The following LRRIQ1 variants were observed in gnomAD, a reference collection of about 807,000 sequenced individuals.
LRRIQ1 encodes the protein leucine rich repeats and IQ motif containing 1.
LRRIQ1 carries 210 observed loss-of-function variants against 211.9 expected under a neutral mutation model. The observed-to-expected ratio is 0.99, with a 90% confidence interval of 0.89 to 1.11. The LOEUF (loss-of-function observed/expected upper bound fraction) is 1.11. Ranked by LOEUF, LRRIQ1 falls within the 50% of genes most tolerant of loss-of-function variation. LRRIQ1 has a pLI of 0.00. For missense variants in LRRIQ1, 2,136 were observed against 1,939.5 expected, an observed-to-expected ratio of 1.10 and a Z score of -1.90; for synonymous variants, 699 against 650.1, an observed-to-expected ratio of 1.08 and a Z score of -1.14.
intron 1 of LRRIQ1, among the ~76,000 whole-genome samples, chr12:85,250,871 ATAT>A (rs1465748323): frequency 7.9e-5 from 5 of 63,554 alleles, no homozygotes; most frequent in Non-Finnish European, 1.4e-4. Context: ...TATAGATTAT[ATAT>A]TATATTATAT....
At chr12:85,219,064 A>T (rs1299741966) in intron 24 of LRRIQ1, among the ~76,000 whole-genome samples, 1 of 152,074 alleles carries the variant, frequency 6.6e-6, no homozygotes, top group Non-Finnish European at 1.5e-5. Flanking sequence ...ACCTTACTCT[A>T]GTCCCAGCCC....
chr12:85,271,090 T>C, the LRRIQ1 span, among the ~76,000 whole-genome samples: 1 of 152,208 alleles, frequency 6.6e-6, no homozygotes, highest in Admixed American at 6.5e-5. Context: ...TAAGAAGTTA[T>C]TTTCTTCCTC....
intron 2 of LRRIQ1, among the ~76,000 whole-genome samples, chr12:85,039,923 A>T (rs971743728): frequency 3.3e-5 from 5 of 151,602 alleles, no homozygotes; most frequent in Admixed American, 1.3e-4. Context: ...TTATGGAGGA[A>T]GGAATTTTAT....
At chr12:85,110,577 G>A (rs991943390) in intron 15 of LRRIQ1, among the ~76,000 whole-genome samples, 2 of 152,092 alleles carry the variant, frequency 1.3e-5, no homozygotes, top group African/African-American at 4.8e-5. Flanking sequence ...TAAAACACTA[G>A]TGTCAAATGA....
intron 15 of LRRIQ1, among the ~76,000 whole-genome samples, chr12:85,121,414 T>A (rs1043763958): frequency 7.2e-5 from 11 of 152,134 alleles, no homozygotes; most frequent in African/African-American, 2.7e-4. Flanking sequence ...CACTCCAAAT[T>A]CCAGCCTGAG....
chr12:85,075,603 T>G (rs1351863054), intron 11 of LRRIQ1, among the ~76,000 whole-genome samples: 1 of 152,046 alleles, frequency 6.6e-6, no homozygotes, highest in Non-Finnish European at 1.5e-5. Context: ...CACCAAGCCC[T>G]GATGGATCCC....
At position 85,252,966 on chromosome 12, in the gene LRRIQ1, TTAATA is replaced by T. The variant is rs573479320; in HGVS notation, c.121+8061_121+8065del. Among the ~76,000 whole-genome samples the T allele has an allele frequency of 2.7e-3, 403 of 152,002 alleles. 2 individuals are homozygous for T. Among genetic ancestry groups the T allele is most frequent in the South Asian group, 6.2e-3 (30 of 4,816 alleles). ...CAGTCTCTGTACCTTATGATTACACTTAATATAAGTAAATGATACAGTTTTTTTAA... is the reference window on the plus strand; with the variant it reads ...CAGTCTCTGTACCTTATGATTACACTTAAGTAAATGATACAGTTTTTTTAA... On this transcript the variant is annotated intron_variant, in intron 1 of 1. Transcript: ENST00000602731.
At chr12:85,140,312 T>C (rs1286978980) in intron 19 of LRRIQ1, among the ~76,000 whole-genome samples, 1 of 151,222 alleles carries the variant, frequency 6.6e-6, no homozygotes, top group African/African-American at 2.4e-5. Flanking sequence ...TATAATAAAA[T>C]ATTCAAAGCG....
chr12:85,127,999 G>A lies in LRRIQ1; in HGVS notation c.4175G>A (p.Arg1392Gln), dbSNP rs757973024. ...AAAAGAGAAAATATTGTGAATATCC[G>A]AAAACAGAGGGAGAAGGCTGCTATT... ...KGKRENIVNI[R>Q]KQREKAAILI... Residue 1392 changes from arginine (R) to glutamine (Q), a missense_variant, in exon 18 of 27, where the codon CGA (arginine) becomes CAA (glutamine). Physicochemically the swap from Arg to Gln is conservative, Grantham distance 43 (BLOSUM62 1). Coordinates refer to ENST00000393217, the MANE Select transcript of LRRIQ1 (RefSeq NM_001079910.2). 57 of 1,612,326 alleles carry A rather than the reference G, an allele frequency of 3.5e-5. No individual in the cohort carries two copies. The highest frequency in any genetic ancestry group is 1.7e-4 in the Admixed American group (10 of 60,000).
Position 85,164,676 on chromosome 12 carries a change from AC to A in LRRIQ1, c.4822+3963del, listed in dbSNP as rs1200905152. 3.6e-4 allele frequency among the ~76,000 whole-genome samples: 55 copies of A among 152,206 alleles called. 2 individuals carry two copies. Among genetic ancestry groups the A allele is most frequent in the Non-Finnish European group, 1.5e-5 (1 of 68,036 alleles). ...TTTGAGAAAGGTATTATGACTGTCA[AC>A]ATTTTACAGATGATAAAACAGTAGT... On this transcript the variant is annotated intron_variant, in intron 24 of 26. Coordinates refer to ENST00000393217, the MANE Select transcript of LRRIQ1 (RefSeq NM_001079910.2).
the LRRIQ1 span, among the ~76,000 whole-genome samples, chr12:85,271,456 T>A: frequency 6.6e-6 from 1 of 152,190 alleles, no homozygotes; most frequent in Non-Finnish European, 1.5e-5. Context: ...AAGTCTTTCT[T>A]ACAACCATGC....
chr12:85,266,535 G>A (rs757497817), downstream of LRRIQ1, among the ~76,000 whole-genome samples: 3 of 152,072 alleles, frequency 2.0e-5, no homozygotes, highest in Non-Finnish European at 2.9e-5. Context: ...CAAACCAAAA[G>A]TTAAACTGAA....
chr12:85,039,154 T>G (rs1301000069), intron 2 of LRRIQ1, among the ~76,000 whole-genome samples: 1 of 151,362 alleles, frequency 6.6e-6, no homozygotes, highest in Non-Finnish European at 1.5e-5. Flanking sequence ...AATTCTTTAT[T>G]TGAGTATGAA....
intron 15 of LRRIQ1, among the ~76,000 whole-genome samples, chr12:85,109,834 T>G (rs1887045158): frequency 6.6e-6 from 1 of 152,110 alleles, no homozygotes; most frequent in Non-Finnish European, 1.5e-5. Flanking sequence ...AGTAACTTAA[T>G]TTTCTTTTTT....
At chr12:85,038,347 C>A (rs374090640) in intron 2 of LRRIQ1, 39 bp downstream of exon 2, 428 of 1,386,250 alleles carry the variant, frequency 3.1e-4, no homozygotes, top group Non-Finnish European at 3.8e-4. Context: ...CAGGAGTAGG[C>A]TTTTCAGGAG....
At chr12:85,067,641 G>A (rs1029303644) in intron 10 of LRRIQ1, among the ~76,000 whole-genome samples, 7 of 151,302 alleles carry the variant, frequency 4.6e-5, no homozygotes, top group Admixed American at 2.0e-4. Flanking sequence ...TCAGTTTCCC[G>A]AGTACTGAGA....
In LRRIQ1 at chr12:85,042,233, A is replaced by T. The variant is rs1467385990; in HGVS notation, c.244+1632A>T. On this transcript the variant is annotated intron_variant, in intron 3 of 26. Coordinates refer to ENST00000393217, the MANE Select transcript of LRRIQ1 (RefSeq NM_001079910.2). ...AGAAAATTATGAGATCTTGTATATA[A>T]CTCTAACCTAATCTAATCTAATCTG... Among the ~76,000 whole-genome samples the T allele has an allele frequency of 2.6e-5, 4 of 151,740 alleles. No homozygotes were observed. In the East Asian group the frequency reaches 7.7e-4, roughly 29 times the overall value.
intron 15 of LRRIQ1, among the ~76,000 whole-genome samples, chr12:85,115,334 G>A (rs1887495973): frequency 1.3e-5 from 2 of 152,180 alleles, no homozygotes; most frequent in South Asian, 4.1e-4. Context: ...CTGTTATGCA[G>A]TTCTGAGGAT....
intron 26 of LRRIQ1, among the ~76,000 whole-genome samples, chr12:85,236,963 A>G (rs1426197783): frequency 6.6e-6 from 1 of 150,932 alleles, no homozygotes; most frequent in Non-Finnish European, 1.5e-5. Context: ...TTTATTAAAT[A>G]AATGAATAAT....
Sources: gnomAD v4.1 joint callset for allele counts (sites outside exome capture counted in the v4.1 genomes callset) on GRCh38, gnomAD v4.1.1 for gene constraint, MANE v1.5 for transcripts, NCBI Gene and HGNC (gene_info 2026-07-23, HGNC 2026-07-21) for gene names.